Variants in SPSB4 observed in about 807,000 individuals in gnomAD.
The protein encoded by SPSB4 is splA/ryanodine receptor domain and SOCS box containing 4.
In SPSB4, 21 loss-of-function variants were observed where a neutral mutation model predicts 20.9. The observed-to-expected ratio is 1.01, with a 90% confidence interval of 0.71 to 1.45. SPSB4 has a LOEUF of 1.45. SPSB4 is among the 40% of genes most tolerant of loss of function. SPSB4 has a pLI of 0.00. For synonymous variants in SPSB4, 207 were observed against 183.8 expected, an observed-to-expected ratio of 1.13 and a Z score of -1.02; for missense variants, 399 against 399.2, an observed-to-expected ratio of 1.00 and a Z score of 0.00.
chr3:141,090,130 A>C (rs1169274299), intron 2 of SPSB4, among the ~76,000 whole-genome samples: 1 of 152,064 alleles, frequency 6.6e-6, no homozygotes, highest in African/African-American at 2.4e-5. Flanking sequence ...GGAATGTATT[A>C]ATATGTTGGT....
At chr3:141,082,099 A>G (rs888818522) in intron 2 of SPSB4, among the ~76,000 whole-genome samples, 2 of 152,142 alleles carry the variant, frequency 1.3e-5, no homozygotes, top group Non-Finnish European at 2.9e-5. Context: ...TCACCAGGCC[A>G]TATTCCTGCC....
intron 2 of SPSB4, among the ~76,000 whole-genome samples, chr3:141,086,745 G>C (rs1429407030): frequency 6.6e-6 from 1 of 152,234 alleles, no homozygotes; most frequent in African/African-American, 2.4e-5. Flanking sequence ...TAGAACTATG[G>C]TGAAGATTAT....
chr3:141,085,530 G>A (rs1348732569), intron 2 of SPSB4, among the ~76,000 whole-genome samples: 2 of 152,176 alleles, frequency 1.3e-5, no homozygotes, highest in Non-Finnish European at 2.9e-5. Flanking sequence ...AGGAGGGCAC[G>A]TGACTCATCT....
intron 2 of SPSB4, among the ~76,000 whole-genome samples, chr3:141,104,439 G>A (rs1235476869): frequency 1.3e-5 from 2 of 152,204 alleles, no homozygotes; most frequent in African/African-American, 4.8e-5. Context: ...CCTCCCAGGT[G>A]GCTGCCACTG....
chr3:141,140,202 T>G (rs1939300957), intron 2 of SPSB4, among the ~76,000 whole-genome samples: 1 of 152,194 alleles, frequency 6.6e-6, no homozygotes, highest in Admixed American at 6.5e-5. Flanking sequence ...TTTAAAGACT[T>G]CTCTGCATTG....
intron 2 of SPSB4, among the ~76,000 whole-genome samples, chr3:141,075,034 A>G (rs1938079408): frequency 6.6e-6 from 1 of 152,018 alleles, no homozygotes. Flanking sequence ...GTTACCTGCC[A>G]GGTAGTGGCA....
At chr3:141,099,742 A>G (rs1436890073) in intron 2 of SPSB4, among the ~76,000 whole-genome samples, 1 of 152,128 alleles carries the variant, frequency 6.6e-6, no homozygotes, top group Non-Finnish European at 1.5e-5. Context: ...TCTTGTTGGG[A>G]AGGTGTTTTA....
At position 141,066,503 on chromosome 3, in the gene SPSB4, A is replaced by G; in HGVS notation, c.399A>G (p.Val133=). 2 of 1,504,072 alleles carry G rather than the reference A, an allele frequency of 1.3e-6. No homozygotes were observed. The highest frequency in any genetic ancestry group is 1.8e-6 in the Non-Finnish European group (2 of 1,125,686). The allele number at this position is 1,504,072 out of a possible 1,614,324, so 93.2% of individuals were successfully genotyped here. The part of the protein sequence containing the change: ...PLHSVGYTAL[V]GSDAESWGWD... ...ACTCCGTGGGCTACACGGCGCTGGT[A>G]GGCAGTGACGCCGAGTCGTGGGGCT... Residue 133 remains valine, a synonymous_variant, in exon 2 of 3, where the codon GTA becomes GTG. Coordinates refer to ENST00000310546, the MANE Select transcript of SPSB4 (RefSeq NM_080862.3).
At chr3:141,141,361 C>T (rs1001254713) in intron 2 of SPSB4, among the ~76,000 whole-genome samples, 1 of 152,200 alleles carries the variant, frequency 6.6e-6, no homozygotes, top group Non-Finnish European at 1.5e-5. Flanking sequence ...CCGGCACTCC[C>T]CTGTGAGATG....
chr3:141,119,310 G>T (rs943615011), intron 2 of SPSB4, among the ~76,000 whole-genome samples: 1 of 152,090 alleles, frequency 6.6e-6, no homozygotes, highest in Non-Finnish European at 1.5e-5. Context: ...TTGGTGTATG[G>T]GAATGCTTCT....
chr3:141,084,071 G>A (rs1048246279), intron 2 of SPSB4, among the ~76,000 whole-genome samples: 4 of 152,204 alleles, frequency 2.6e-5, no homozygotes, highest in East Asian at 1.9e-4. Flanking sequence ...GGATGAGGCC[G>A]CAGTGTGGGA....
intron 2 of SPSB4, among the ~76,000 whole-genome samples, chr3:141,121,139 T>C (rs894726913): frequency 6.6e-6 from 1 of 152,110 alleles, no homozygotes; most frequent in Non-Finnish European, 1.5e-5. Flanking sequence ...TTTGCTTGTC[T>C]GTGAAGTATT....
intron 2 of SPSB4, among the ~76,000 whole-genome samples, chr3:141,132,567 A>G (rs1939153240): frequency 6.6e-6 from 1 of 152,192 alleles, no homozygotes; most frequent in Non-Finnish European, 1.5e-5. Context: ...TTCTCTTAGA[A>G]TAATGGTCTG....
chr3:141,065,850 T>C (rs1007312659), intron 1 of SPSB4, 102 bp from the exon 2 acceptor site: 3 of 478,864 alleles, frequency 6.3e-6, no homozygotes, highest in African/African-American at 6.2e-5. Flanking sequence ...TTACTATTAT[T>C]GTGCATGCAA....
Position 141,131,267 on chromosome 3 carries a change from A to G in SPSB4, c.695-15875A>G, listed in dbSNP as rs778754998. 3.3e-5 allele frequency among the ~76,000 whole-genome samples: 5 copies of G among 152,022 alleles called. No individual in the cohort carries two copies. The East Asian group carries it at 5.8e-4, about 18-fold the overall frequency. On this transcript the variant is annotated intron_variant, in intron 2 of 2. Coordinates refer to ENST00000310546, the MANE Select transcript of SPSB4 (RefSeq NM_080862.3). ...GATTCCAAGCCAGCTCCTTCCCCCT[A>G]CTTTTTCCCATTAGGGCAGGCAGGC...
At chr3:141,131,153 G>A (rs1033889211) in intron 2 of SPSB4, among the ~76,000 whole-genome samples, 1 of 152,098 alleles carries the variant, frequency 6.6e-6, no homozygotes, top group Non-Finnish European at 1.5e-5. Context: ...CCCATAGATG[G>A]AGGTGTTGCT....
At chr3:141,114,915 TTGAC>T (rs776994628) in intron 2 of SPSB4, among the ~76,000 whole-genome samples, 19 of 152,214 alleles carry the variant, frequency 1.2e-4, no homozygotes, top group Non-Finnish European at 2.6e-4. Context: ...GTTCTGGGCG[TTGAC>T]CAGTGTCTTG....
At chr3:141,085,079 G>A (rs1938315069) in intron 2 of SPSB4, among the ~76,000 whole-genome samples, 1 of 152,192 alleles carries the variant, frequency 6.6e-6, no homozygotes, top group African/African-American at 2.4e-5. Flanking sequence ...GGATGGGTTG[G>A]CATTTGCCAA....
chr3:141,084,538 A>T (rs1938307032), intron 2 of SPSB4, among the ~76,000 whole-genome samples: 1 of 152,138 alleles, frequency 6.6e-6, no homozygotes, highest in African/African-American at 2.4e-5. Context: ...CCTGTCAATC[A>T]CAAACACTTG....
Sources: allele counts gnomAD v4.1 joint callset (sites outside exome capture counted in the v4.1 genomes callset), GRCh38; gene constraint gnomAD v4.1.1; transcripts MANE v1.5; gene names NCBI Gene and HGNC (gene_info 2026-07-23, HGNC 2026-07-21).